OMA1: variants seen among roughly 807,000 people sequenced by gnomAD.
OMA1 encodes the protein OMA1 zinc metallopeptidase.
A neutral mutation model predicts 30.9 loss-of-function variants in OMA1; 38 were observed. That is an observed-to-expected ratio of 1.23 (90% CI 0.95 to 1.61). The LOEUF (loss-of-function observed/expected upper bound fraction) is 1.61. OMA1 is among the 40% of genes most tolerant of loss of function. OMA1 has a pLI of 0.00. For synonymous variants in OMA1, 173 were observed against 121.9 expected, an observed-to-expected ratio of 1.42 and a Z score of -2.76; for missense variants, 461 against 349.2, an observed-to-expected ratio of 1.32 and a Z score of -2.55.
intron 3 of OMA1, among the ~76,000 whole-genome samples, chr1:58,535,551 G>A (rs1646502858): frequency 6.8e-6 from 1 of 147,796 alleles, no homozygotes; most frequent in Non-Finnish European, 1.5e-5. Context: ...AGCCAAGATG[G>A]CACCACTGCA....
In OMA1 at chr1:58,536,657, T is replaced by C. The variant is rs749521421; in HGVS notation, c.585A>G (p.Leu195=). 1.3e-5 allele frequency: 11 copies of C among 872,744 alleles called. No individual in the cohort carries two copies. The highest frequency in any genetic ancestry group is 1.7e-5 in the Admixed American group (1 of 59,168). 54.1% of individuals were successfully genotyped at this position (872,744 alleles called of 1,614,324 possible). ...ATCCAAAACTACTCAAACCAAGGAA[T>C]AGCTTCCATTTATTCTTCCTTATAT... ...KENIRKNKWK[L]FLGLSSFGLL... is the part of the protein sequence containing the mutation. Residue 195 remains leucine (L), a synonymous_variant, in exon 3 of 9, where the codon CTA becomes CTG. Coordinates refer to ENST00000371226, the MANE Select transcript of OMA1 (RefSeq NM_145243.5).
At chr1:58,499,740 C>T (rs1017688852) in intron 8 of OMA1, among the ~76,000 whole-genome samples, 1 of 151,634 alleles carries the variant, frequency 6.6e-6, no homozygotes, top group African/African-American at 2.4e-5. Flanking sequence ...GATATTGAAA[C>T]ATCATGCTGG....
intron 7 of OMA1, among the ~76,000 whole-genome samples, chr1:58,515,794 G>A (rs1646149732): frequency 6.6e-6 from 1 of 152,086 alleles, no homozygotes; most frequent in Non-Finnish European, 1.5e-5. Context: ...TAGGTTATTA[G>A]ATAAATCACT....
At chr1:58,503,658 C>T (rs1645943714) in intron 8 of OMA1, among the ~76,000 whole-genome samples, 1 of 151,960 alleles carries the variant, frequency 6.6e-6, no homozygotes, top group African/African-American at 2.4e-5. Context: ...AGCTCCCTTG[C>T]CCCTTCTACC....
chr1:58,528,810 G>A (rs554582611), intron 6 of OMA1, among the ~76,000 whole-genome samples: 2 of 152,282 alleles, frequency 1.3e-5, no homozygotes, highest in Admixed American at 1.3e-4. Flanking sequence ...ACTTTCTAGA[G>A]AGAAACATCT....
At chr1:58,520,856 T>C (rs1272105146) in intron 7 of OMA1, among the ~76,000 whole-genome samples, 2 of 151,828 alleles carry the variant, frequency 1.3e-5, no homozygotes, top group Non-Finnish European at 2.9e-5. Flanking sequence ...TCTACAACCA[T>C]AATGAAATAT....
intron 1 of OMA1, among the ~76,000 whole-genome samples, chr1:58,543,349 T>A (rs1646651111): frequency 6.6e-6 from 1 of 152,230 alleles, no homozygotes; most frequent in Non-Finnish European, 1.5e-5. Context: ...AATTTACCAA[T>A]TTTCAACATT....
intron 7 of OMA1, among the ~76,000 whole-genome samples, chr1:58,523,439 C>G (rs992100911): frequency 6.6e-6 from 1 of 152,148 alleles, no homozygotes; most frequent in African/African-American, 2.4e-5. Flanking sequence ...CAGTAACAAC[C>G]TTTCCCTAAA....
chr1:58,528,776 T>A (rs1370644272), intron 6 of OMA1, among the ~76,000 whole-genome samples: 1 of 152,186 alleles, frequency 6.6e-6, no homozygotes, highest in African/African-American at 2.4e-5. Flanking sequence ...AACATTCCTC[T>A]CTGCTCTCCA....
intron 1 of OMA1, 72 bp downstream of exon 1, chr1:58,546,631 G>T: frequency 6.6e-6 from 1 of 151,236 alleles, no homozygotes; most frequent in Non-Finnish European, 1.5e-5. Flanking sequence ...CCCCACTGCC[G>T]CACTCTGCCT....
Position 58,523,378 on chromosome 1 carries a change from G to A in OMA1, c.1215+3883C>T, listed in dbSNP as rs1646297217. On this transcript the variant is annotated intron_variant, in intron 7 of 8. Coordinates refer to ENST00000371226, the MANE Select transcript of OMA1 (RefSeq NM_145243.5). ...TATAACAATGATGGAATCTTCAGTG[G>A]TGTAAACCTTACAGACTTTCATAAT... 2.0e-5 allele frequency among the ~76,000 whole-genome samples: 3 copies of A among 152,166 alleles called. No individual in the cohort carries two copies. The South Asian group carries it at 6.2e-4, about 32-fold the overall frequency.
Position 58,527,292 on chromosome 1 carries a change from G to T in OMA1, c.1184C>A (p.Ala395Asp), listed in dbSNP as rs753694092. The change falls in exon 7 of 9, where the codon GCT (alanine) becomes GAT (aspartate). Residue 395 changes from alanine to aspartate, a missense_variant. Ala to Asp is a moderately radical substitution (Grantham distance 126). Transcript: ENST00000371226. ...RPYSRKLEAE[A>D]DKIGLLLAAK... Reference sequence around the variant, plus strand: ...AGCAAGCAGTAGTCCAATTTTGTCAGCTTCGGCCTCCAATTTTCTGCTGTA... The same window carrying T: ...AGCAAGCAGTAGTCCAATTTTGTCATCTTCGGCCTCCAATTTTCTGCTGTA... 1.1e-6 allele frequency: 1 copy of T among 872,204 alleles called. No homozygotes were observed. Among genetic ancestry groups the T allele is most frequent in the Non-Finnish European group, 2.0e-6 (1 of 501,238 alleles). The allele number at this position is 872,204 out of a possible 1,614,324, so 54.0% of individuals were successfully genotyped here. A position where few individuals can be genotyped will look rare whatever the true frequency, so the allele number is the denominator to read the frequency against.
At position 58,530,576 on chromosome 1, in the gene OMA1, A is replaced by G. The variant is rs747136093; in HGVS notation, c.1140+25T>C. ...ATATCTTCACCAGAGGCTATGATCA[A>G]TTCAAGTTATTGTCTCAGACTTACC... is the stretch of plus-strand genomic sequence containing the variant. On this transcript the variant is annotated intron_variant, in intron 6 of 8. Transcript: ENST00000371226. 3.5e-6 allele frequency: 3 copies of G among 865,772 alleles called. No homozygotes were observed. The East Asian group carries it at 7.2e-5, about 21-fold the overall frequency. 53.6% of individuals were successfully genotyped at this position (865,772 alleles called of 1,614,324 possible).
At chr1:58,491,749 A>C (rs1366202449) in intron 8 of OMA1, among the ~76,000 whole-genome samples, 6 of 152,234 alleles carry the variant, frequency 3.9e-5, no homozygotes, top group Admixed American at 3.9e-4. Context: ...ATACAGGAGC[A>C]CCCAGATTCA....
intron 8 of OMA1, among the ~76,000 whole-genome samples, chr1:58,485,791 C>T (rs777755267): frequency 3.9e-5 from 6 of 152,208 alleles, no homozygotes; most frequent in Non-Finnish European, 7.4e-5. Context: ...TTTAACTCCA[C>T]GCACTGCACA....
Position 58,536,677 on chromosome 1 carries a change from T to TA in OMA1, c.564_565insT (p.Arg189Ter). The TA allele has an allele frequency of 1.1e-6, 1 of 872,842 alleles. No individual in the cohort carries two copies. 54.1% of individuals were successfully genotyped at this position (872,842 alleles called of 1,614,324 possible). The stretch of plus-strand genomic sequence containing the variant: ...AGGAATAGCTTCCATTTATTCTTCC[T>TA]TATATTTTCTTTAACTACTTCCTTC... On this transcript the variant is annotated frameshift_variant, in exon 3 of 9. Transcript: ENST00000371226. LOFTEE classifies it high-confidence loss of function.
At chr1:58,507,418 A>G (rs1646006250) in intron 7 of OMA1, among the ~76,000 whole-genome samples, 1 of 151,986 alleles carries the variant, frequency 6.6e-6, no homozygotes, top group African/African-American at 2.4e-5. Context: ...TTCTTAACAA[A>G]TACCATTAAA....
chr1:58,492,953 G>C (rs1645725266), intron 8 of OMA1, among the ~76,000 whole-genome samples: 1 of 152,012 alleles, frequency 6.6e-6, no homozygotes, highest in African/African-American at 2.4e-5. Flanking sequence ...GCCTGGCAGA[G>C]ACACAACAAA....
chr1:58,540,096 C>T (rs1269864167), intron 1 of OMA1, among the ~76,000 whole-genome samples: 1 of 152,100 alleles, frequency 6.6e-6, no homozygotes, highest in Non-Finnish European at 1.5e-5. Flanking sequence ...TGGTATACTG[C>T]CTATCCCCTC....
Sources: allele counts gnomAD v4.1 joint callset (sites outside exome capture counted in the v4.1 genomes callset), GRCh38; gene constraint gnomAD v4.1.1; transcripts MANE v1.5; gene names NCBI Gene and HGNC (gene_info 2026-07-23, HGNC 2026-07-21).